Variants in DENND3 observed in about 807,000 individuals in gnomAD.
DENND3 encodes DENN domain containing 3.
Under a neutral mutation model 135.1 loss-of-function variants are expected in DENND3, and 88 were observed. That is an observed-to-expected ratio of 0.65 (90% CI 0.55 to 0.78). The LOEUF is 0.78. Among genes scored for constraint, DENND3 ranks in the 30% least tolerant of loss-of-function variants. The pLI is 0.00. For synonymous variants in DENND3, 693 were observed against 712.3 expected, an observed-to-expected ratio of 0.97 and a Z score of 0.43; for missense variants, 1,392 against 1,688.4, an observed-to-expected ratio of 0.82 and a Z score of 3.08.
intron 17 of DENND3, 152 bp from the exon 18 acceptor site, chr8:141,184,987 G>A: frequency 4.2e-6 from 4 of 951,974 alleles, no homozygotes; most frequent in East Asian, 5.0e-5. Flanking sequence ...GGGCAGGGAA[G>A]CCTCTGCCTG....
At chr8:141,178,517 G>A (rs1043871298) in intron 16 of DENND3, among the ~76,000 whole-genome samples, 13 of 152,196 alleles carry the variant, frequency 8.5e-5, no homozygotes, top group Non-Finnish European at 1.5e-4. Flanking sequence ...GCTGGCTGAA[G>A]CAGACTAGAA....
At chr8:141,190,215 G>A in intron 19 of DENND3, 69 bp from the exon 20 acceptor site, 1 of 1,456,044 alleles carries the variant, frequency 6.9e-7, no homozygotes, top group Non-Finnish European at 9.1e-7. Context: ...GTTCTCTCTT[G>A]GGTTAAAATG....
At chr8:141,165,449 A>G (rs958967374) in intron 11 of DENND3, among the ~76,000 whole-genome samples, 160 bp downstream of exon 11, 10 of 150,466 alleles carry the variant, frequency 6.6e-5, no homozygotes, top group South Asian at 2.1e-4. Flanking sequence ...TCTTCTCTCC[A>G]TGTTTCTACT....
intron 8 of DENND3, chr8:141,158,325 C>T (rs1453525803): frequency 7.9e-7 from 1 of 1,267,710 alleles, no homozygotes; most frequent in South Asian, 1.3e-5. Flanking sequence ...TAGAGCGTGA[C>T]ATTCTGTAAT....
chr8:141,140,238 CT>C (rs1372847411), intron 3 of DENND3, among the ~76,000 whole-genome samples: 1 of 152,192 alleles, frequency 6.6e-6, no homozygotes, highest in Non-Finnish European at 1.5e-5. Context: ...GCCCCAGCCC[CT>C]CTCATACACT....
chr8:141,193,929 TAG>T (rs1825101593), intron 22 of DENND3, 102 bp from the exon 23 acceptor site: 2 of 1,285,848 alleles, frequency 1.6e-6, no homozygotes, highest in Admixed American at 4.2e-5. Flanking sequence ...AGGAAGGACA[TAG>T]ATTTGGAGGC....
intron 13 of DENND3, chr8:141,173,873 T>C (rs1480759342): frequency 1.3e-5 from 2 of 152,308 alleles, no homozygotes; most frequent in Non-Finnish European, 2.9e-5. Context: ...CCCTTTTGAA[T>C]GAGCCACCTC....
intron 13 of DENND3, among the ~76,000 whole-genome samples, chr8:141,170,246 T>C (rs571345002): frequency 1.3e-5 from 2 of 152,348 alleles, no homozygotes; most frequent in African/African-American, 4.8e-5. Flanking sequence ...AAAGCTGTCC[T>C]GGTGACAGAG....
intron 5 of DENND3, among the ~76,000 whole-genome samples, chr8:141,145,414 G>A (rs1589566700): frequency 1.3e-5 from 2 of 152,234 alleles, no homozygotes; most frequent in South Asian, 4.1e-4. Context: ...TCTGTAAAAT[G>A]CATAAAACCA....
rs181093206 is a variant in DENND3, at chr8:141,175,942, A to G, written c.2535+483A>G. The G allele has an allele frequency of 1.1e-4, 21 of 198,404 alleles. 1 individual carries two copies. In the East Asian group the frequency reaches 1.9e-3, roughly 18 times the overall value. The allele number at this position is 198,404 out of a possible 1,614,324, so 12.3% of individuals were successfully genotyped here. A position where few individuals can be genotyped will look rare whatever the true frequency, so the allele number is the denominator to read the frequency against. ...AATCTTCAAACAGTTTTAACATTAT[A>G]TTCTAAAGGTAGTCATTTTCCCTGT... On this transcript the variant is annotated intron_variant, in intron 14 of 22. Transcript: ENST00000519811. The surrounding 1 kb of genome is among the most constrained non-coding windows in gnomAD (Gnocchi z 5.4).
At chr8:141,151,925 G>A in intron 7 of DENND3, 88 bp downstream of exon 7, 7 of 1,487,524 alleles carry the variant, frequency 4.7e-6, no homozygotes, top group Non-Finnish European at 5.5e-6. Context: ...AAAGTGCTCC[G>A]CGGTGAAGGC....
intron 1 of DENND3, 91 bp from the exon 2 acceptor site, chr8:141,136,418 G>A (rs1816791855): frequency 2.3e-6 from 3 of 1,329,890 alleles, no homozygotes; most frequent in African/African-American, 1.5e-5. Context: ...CCGAGGGGAG[G>A]AGAAAAACAA....
In DENND3 at chr8:141,195,032, C is replaced by G. The variant is rs1054800988; in HGVS notation, c.*799C>G. On this transcript the variant is annotated 3_prime_UTR_variant, in exon 23 of 23. Coordinates refer to ENST00000519811, the MANE Select transcript of DENND3 (RefSeq NM_001352890.3). ...TGTGTGATCTCGTCTTCCAGCGTGC[C>G]GCTCAGTTCCCCGAATCCGTGTGCA... The G allele has an allele frequency of 6.6e-6, 1 of 151,960 alleles. No homozygotes were observed. Among genetic ancestry groups the G allele is most frequent in the South Asian group, 2.1e-4 (1 of 4,808 alleles). The allele number at this position is 151,960 out of a possible 1,614,324, so 9.4% of individuals were successfully genotyped here.
At chr8:141,188,162 C>T (rs903708169) in intron 18 of DENND3, among the ~76,000 whole-genome samples, 46 of 151,610 alleles carry the variant, frequency 3.0e-4, no homozygotes, top group Admixed American at 1.6e-3. Flanking sequence ...GAGGCTGAGG[C>T]TGCAGTGAGC....
At chr8:141,140,849 G>C (rs1332610442) in intron 3 of DENND3, among the ~76,000 whole-genome samples, 3 of 152,248 alleles carry the variant, frequency 2.0e-5, no homozygotes, top group African/African-American at 7.2e-5. Context: ...ACGTGTGGGT[G>C]CCGCTTCCTG....
chr8:141,167,135 A>G lies in DENND3; in HGVS notation c.1753+746A>G, dbSNP rs11782809. On this transcript the variant is annotated intron_variant, in intron 12 of 22. Transcript: ENST00000519811. The surrounding 1 kb of genome is among the most constrained non-coding windows in gnomAD (Gnocchi z 4.1). ...CAGGGGCAGTGCGCATGAATGACAG[A>G]CCACGTTGTCTTTATCGGCTGAGCG... Among the ~76,000 whole-genome samples the G allele has an allele frequency of 0.26, 40,217 of 151,972 alleles. 5,515 individuals are homozygous for G. Among genetic ancestry groups the G allele is most frequent in the South Asian group, 0.38 (1,812 of 4,820 alleles).
intron 5 of DENND3, among the ~76,000 whole-genome samples, chr8:141,147,566 C>T (rs1490443839): frequency 6.6e-6 from 1 of 152,242 alleles, no homozygotes; most frequent in Non-Finnish European, 1.5e-5. Context: ...TGTGGCTCAT[C>T]TCTGGTCACT....
At chr8:141,190,858 G>C (rs1824637169) in intron 20 of DENND3, among the ~76,000 whole-genome samples, 1 of 152,234 alleles carries the variant, frequency 6.6e-6, no homozygotes, top group Non-Finnish European at 1.5e-5. Context: ...TGCAGCCTGG[G>C]ACTCTCCGTG....
At chr8:141,191,329 T>C in intron 20 of DENND3, 1 of 152,264 alleles carries the variant, frequency 6.6e-6, no homozygotes. Context: ...ATGTTTATAG[T>C]ATTCATCGCT....
Sources: gnomAD v4.1 joint callset for allele counts (sites outside exome capture counted in the v4.1 genomes callset) on GRCh38, gnomAD v4.1.1 for gene constraint, Gnocchi (gnomAD v3.1) non-coding constraint, MANE v1.5 for transcripts, NCBI Gene and HGNC (gene_info 2026-07-23, HGNC 2026-07-21) for gene names.